NBAS: variants seen among roughly 807,000 people sequenced by gnomAD.
NBAS encodes the protein NBAS subunit of NRZ tethering complex.
Under a neutral mutation model 302.5 loss-of-function variants are expected in NBAS, and 219 were observed. The observed-to-expected ratio is 0.72, with a 90% CI of 0.65 to 0.81. The LOEUF is 0.81. Among genes scored for constraint, NBAS ranks in the 30% least tolerant of loss-of-function variants. The probability of loss-of-function intolerance (pLI) is 0.00; values close to 1 mark genes in which losing one functional copy is unlikely to be tolerated. For missense variants in NBAS, 2,932 were observed against 2,841.6 expected, an observed-to-expected ratio of 1.03 and a Z score of -0.72; for synonymous variants, 1,118 against 1,021.6, an observed-to-expected ratio of 1.09 and a Z score of -1.80.
intron 31 of NBAS, among the ~76,000 whole-genome samples, chr2:15,369,150 G>A (rs1240993082): frequency 6.6e-6 from 1 of 152,134 alleles, no homozygotes; most frequent in Non-Finnish European, 1.5e-5. Context: ...ATTTGTTGCA[G>A]ATATTATCTG....
the NBAS span, among the ~76,000 whole-genome samples, chr2:14,937,195 G>A: frequency 6.6e-6 from 1 of 152,112 alleles, no homozygotes; most frequent in Non-Finnish European, 1.5e-5. Flanking sequence ...ACATATGGGG[G>A]GTGGGGATAT....
chr2:15,152,378 C>T, the NBAS span, among the ~76,000 whole-genome samples: 4 of 152,170 alleles, frequency 2.6e-5, no homozygotes, highest in African/African-American at 9.7e-5. Flanking sequence ...GAAATTTGGC[C>T]TAAAGCTGCT....
At chr2:15,360,505 C>T (rs949074908) in intron 32 of NBAS, among the ~76,000 whole-genome samples, 1 of 151,818 alleles carries the variant, frequency 6.6e-6, no homozygotes, top group African/African-American at 2.4e-5. Context: ...ATCACCACAC[C>T]CAGGAAATTT....
chr2:15,338,684 C>T (rs906318844), intron 35 of NBAS, among the ~76,000 whole-genome samples: 17 of 149,982 alleles, frequency 1.1e-4, no homozygotes, highest in African/African-American at 4.0e-4. Context: ...TACACACACA[C>T]ACACACACAC....
At chr2:15,173,932 C>T (rs1337285232) in intron 51 of NBAS, among the ~76,000 whole-genome samples, 4 of 152,206 alleles carry the variant, frequency 2.6e-5, no homozygotes, top group East Asian at 1.9e-4. Flanking sequence ...TCTTTACAAG[C>T]GTCTTACCTA....
chr2:15,133,235 G>A, the NBAS span, among the ~76,000 whole-genome samples: 1 of 151,972 alleles, frequency 6.6e-6, no homozygotes, highest in Non-Finnish European at 1.5e-5. Context: ...ATCAGAAGAG[G>A]CAGAACCTTG....
the NBAS span, among the ~76,000 whole-genome samples, chr2:14,900,953 A>G: frequency 6.6e-6 from 1 of 152,202 alleles, no homozygotes; most frequent in Non-Finnish European, 1.5e-5. Context: ...TTGTAATTCC[A>G]TATGGCTACG....
chr2:15,148,803 T>C, the NBAS span, among the ~76,000 whole-genome samples: 1 of 152,200 alleles, frequency 6.6e-6, no homozygotes, highest in Non-Finnish European at 1.5e-5. Context: ...CTGCTCTTAA[T>C]AGGAAATGAT....
the NBAS span, among the ~76,000 whole-genome samples, chr2:14,915,529 C>T: frequency 6.6e-6 from 1 of 152,254 alleles, no homozygotes; most frequent in Non-Finnish European, 1.5e-5. Context: ...CCATGCTATT[C>T]TCATGACAGT....
chr2:14,980,537 C>T, the NBAS span, among the ~76,000 whole-genome samples: 3 of 152,228 alleles, frequency 2.0e-5, no homozygotes, highest in African/African-American at 4.8e-5. Context: ...GACTTCCCAA[C>T]AAAACGGGCA....
chr2:15,472,587 C>G (rs958720225), intron 16 of NBAS, among the ~76,000 whole-genome samples: 38 of 152,282 alleles, frequency 2.5e-4, no homozygotes, highest in African/African-American at 8.4e-4. Flanking sequence ...TGGCCCCCCC[C>G]AGAAGCAGGC....
intron 39 of NBAS, 152 bp from the exon 40 acceptor site, chr2:15,308,505 TA>T: frequency 1.0e-6 from 1 of 994,604 alleles, no homozygotes; most frequent in Non-Finnish European, 1.5e-6. Context: ...ATGACTATAT[TA>T]AAAATCACAA....
chr2:15,244,972 C>T (rs1342485433), intron 44 of NBAS, among the ~76,000 whole-genome samples: 1 of 151,986 alleles, frequency 6.6e-6, no homozygotes, highest in Non-Finnish European at 1.5e-5. Flanking sequence ...ATTTTCCAGT[C>T]CCACTCCTTC....
At chr2:14,791,837 T>A in the NBAS span, among the ~76,000 whole-genome samples, 6 of 148,252 alleles carry the variant, frequency 4.0e-5, no homozygotes, top group African/African-American at 1.5e-4. Flanking sequence ...AATAAATAAA[T>A]AAATAAAATG....
intron 36 of NBAS, among the ~76,000 whole-genome samples, 185 bp downstream of exon 36, chr2:15,330,413 C>G (rs1301346592): frequency 2.0e-5 from 3 of 152,192 alleles, no homozygotes; most frequent in Admixed American, 6.5e-5. Flanking sequence ...GCAAGTACTC[C>G]ATGGGAATAT....
chr2:15,505,248 G>C (rs1004253263), intron 10 of NBAS, among the ~76,000 whole-genome samples: 1 of 152,098 alleles, frequency 6.6e-6, no homozygotes, highest in African/African-American at 2.4e-5. Flanking sequence ...GAGGACAGAG[G>C]GGAGCTAGCA....
At chr2:15,043,631 C>T in the NBAS span, among the ~76,000 whole-genome samples, 2 of 152,186 alleles carry the variant, frequency 1.3e-5, no homozygotes, top group Non-Finnish European at 1.5e-5. Flanking sequence ...TTTGCCTTCA[C>T]TTGCTGTGCC....
intron 24 of NBAS, among the ~76,000 whole-genome samples, chr2:15,416,158 A>G (rs1676924212): frequency 6.6e-6 from 1 of 152,172 alleles, no homozygotes; most frequent in Non-Finnish European, 1.5e-5. Flanking sequence ...AGACCAACAA[A>G]GAGTGAATAA....
chr2:15,195,814 T>C (rs914438820), intron 48 of NBAS, among the ~76,000 whole-genome samples: 1 of 152,194 alleles, frequency 6.6e-6, no homozygotes, highest in Non-Finnish European at 1.5e-5. Flanking sequence ...ATGAACATCC[T>C]GTAGGAACAC....
Sources: allele counts gnomAD v4.1 joint callset (sites outside exome capture counted in the v4.1 genomes callset), GRCh38; gene constraint gnomAD v4.1.1; transcripts MANE v1.5; gene names NCBI Gene and HGNC (gene_info 2026-07-23, HGNC 2026-07-21).